Variants in NXPE2 observed in about 807,000 individuals in gnomAD.
The protein encoded by NXPE2 is neurexophilin and PC-esterase domain family member 2.
Under a neutral mutation model 34.4 loss-of-function variants are expected in NXPE2, and 34 were observed. That is an observed-to-expected ratio of 0.99 (90% CI 0.75 to 1.31). The LOEUF (loss-of-function observed/expected upper bound fraction) is 1.31, where lower values mean the gene tolerates loss of function less well. Ranked by LOEUF, NXPE2 falls within the 40% of genes most tolerant of loss-of-function variation. The pLI, the probability that NXPE2 is intolerant of heterozygous loss-of-function variation, is 0.00. For missense variants in NXPE2, 649 were observed against 672.5 expected (o/e 0.97, Z 0.39); for synonymous variants, 235 against 231.3 (o/e 1.02, Z -0.15).
the NXPE2 span, among the ~76,000 whole-genome samples, chr11:114,621,332 A>G: frequency 1.2e-3 from 188 of 152,210 alleles, no homozygotes; most frequent in African/African-American, 4.5e-3. Context: ...TACCCGCTGG[A>G]TAATAAGTGT....
At chr11:114,556,737 T>C in the NXPE2 span, among the ~76,000 whole-genome samples, 5 of 152,076 alleles carry the variant, frequency 3.3e-5, no homozygotes, top group Non-Finnish European at 7.4e-5. Context: ...ATGAGAAATA[T>C]TAGTCTCATC....
At chr11:114,768,072 T>C in the NXPE2 span, among the ~76,000 whole-genome samples, 1 of 151,814 alleles carries the variant, frequency 6.6e-6, no homozygotes, top group African/African-American at 2.4e-5. Flanking sequence ...TAATCCATCT[T>C]GAGTTAATTT....
the NXPE2 span, chr11:114,581,773 C>T: frequency 3.1e-6 from 5 of 1,609,452 alleles, no homozygotes; most frequent in East Asian, 4.5e-5. Flanking sequence ...ATAATCTCTA[C>T]ACCCACATTT....
At chr11:114,705,717 A>G in intron 4 of NXPE2, 64 bp from the exon 5 acceptor site, 1 of 1,046,008 alleles carries the variant, frequency 9.6e-7, no homozygotes, top group East Asian at 3.1e-5. Flanking sequence ...CAAAAATGAG[A>G]AACATTTTTC....
At chr11:114,759,048 G>A in the NXPE2 span, among the ~76,000 whole-genome samples, 1 of 151,788 alleles carries the variant, frequency 6.6e-6, no homozygotes, top group Non-Finnish European at 1.5e-5. Context: ...ACACTCCACA[G>A]CACACACACA....
chr11:114,747,619 A>G, the NXPE2 span, among the ~76,000 whole-genome samples: 1 of 152,180 alleles, frequency 6.6e-6, no homozygotes, highest in Non-Finnish European at 1.5e-5. Context: ...GGCAGGAGAG[A>G]GAGAGGGCAA....
At chr11:114,493,641 CTT>C in the NXPE2 span, among the ~76,000 whole-genome samples, 2 of 151,966 alleles carry the variant, frequency 1.3e-5, no homozygotes, top group African/African-American at 4.8e-5. Flanking sequence ...TGCTTTTTAA[CTT>C]TTTGTTTTTA....
At chr11:114,637,176 G>A in the NXPE2 span, among the ~76,000 whole-genome samples, 1 of 151,900 alleles carries the variant, frequency 6.6e-6, no homozygotes, top group Non-Finnish European at 1.5e-5. Flanking sequence ...ATTTAGGATA[G>A]TTAGCTCTTC....
At chr11:114,494,809 T>G in the NXPE2 span, among the ~76,000 whole-genome samples, 2 of 152,232 alleles carry the variant, frequency 1.3e-5, no homozygotes, top group Non-Finnish European at 1.5e-5. Context: ...TATTGTAGTC[T>G]TCATGGTCTG....
chr11:114,513,410 G>A, the NXPE2 span: 10 of 328,076 alleles, frequency 3.0e-5, no homozygotes, highest in East Asian at 6.5e-4. Context: ...GAGAATATTA[G>A]GAAGGTATCC....
the NXPE2 span, among the ~76,000 whole-genome samples, chr11:114,617,160 C>T: frequency 5.9e-5 from 9 of 151,714 alleles, no homozygotes; most frequent in Non-Finnish European, 1.3e-4. Context: ...TTGTGGGTAA[C>T]CATTGTTACC....
chr11:114,632,062 G>A, the NXPE2 span, among the ~76,000 whole-genome samples: 2 of 135,796 alleles, frequency 1.5e-5, no homozygotes, highest in Middle Eastern at 4.0e-3. Context: ...TAATATGTAA[G>A]AATTGTATAG....
At chr11:114,522,930 C>T in the NXPE2 span, 546,807 of 1,611,222 alleles carry the variant, frequency 0.34, 95,871 homozygotes, top group East Asian at 0.63. Flanking sequence ...GTAGAGTCTC[C>T]CAGGAGGTAA....
the NXPE2 span, among the ~76,000 whole-genome samples, chr11:114,799,846 CCCCTCCCTCCCTTCATCTCA>C: frequency 7.4e-4 from 112 of 151,602 alleles, no homozygotes; most frequent in South Asian, 5.2e-3. Context: ...GTTAACAGTT[CCCCTCCCTCCCTTCATCTCA>C]CCCTCCCTCC....
the NXPE2 span, among the ~76,000 whole-genome samples, chr11:114,628,979 T>A: frequency 2.6e-5 from 4 of 151,966 alleles, no homozygotes; most frequent in African/African-American, 2.4e-5. Flanking sequence ...AAGGAAGAAG[T>A]TGAATCTCTG....
At chr11:114,806,569 T>G in the NXPE2 span, among the ~76,000 whole-genome samples, 4 of 151,894 alleles carry the variant, frequency 2.6e-5, no homozygotes, top group African/African-American at 9.7e-5. Flanking sequence ...CAGTAGCCGA[T>G]GCGATCAACT....
At chr11:114,811,184 G>T in the NXPE2 span, among the ~76,000 whole-genome samples, 1 of 119,588 alleles carries the variant, frequency 8.4e-6, no homozygotes, top group Non-Finnish European at 1.7e-5. Context: ...AGGGACTGTT[G>T]TGGGGTGGGG....
At chr11:114,775,030 G>T in the NXPE2 span, among the ~76,000 whole-genome samples, 1 of 152,224 alleles carries the variant, frequency 6.6e-6, no homozygotes, top group South Asian at 2.1e-4. Flanking sequence ...CAGCTGGGGG[G>T]ATGACGATAT....
chr11:114,763,412 C>A, the NXPE2 span, among the ~76,000 whole-genome samples: 5 of 152,110 alleles, frequency 3.3e-5, no homozygotes, highest in African/African-American at 1.2e-4. Flanking sequence ...AAACAAAACA[C>A]CCTGATGTTT....
Sources: allele counts gnomAD v4.1 joint callset (sites outside exome capture counted in the v4.1 genomes callset), GRCh38; gene constraint gnomAD v4.1.1; transcripts MANE v1.5; gene names NCBI Gene and HGNC (gene_info 2026-07-23, HGNC 2026-07-21).